The following ADAMTS12 variants were observed in gnomAD, a reference collection of about 807,000 sequenced individuals.
ADAMTS12 encodes the protein A disintegrin and metalloproteinase with thrombospondin motifs 12.
A neutral mutation model predicts 167.8 loss-of-function variants in ADAMTS12; 118 were observed. That is an observed-to-expected ratio of 0.70 (90% confidence interval 0.61 to 0.82). The LOEUF (loss-of-function observed/expected upper bound fraction) is 0.82. Ranked by LOEUF, ADAMTS12 falls within the 40% of genes least tolerant of loss-of-function variation. The probability of loss-of-function intolerance (pLI) is 0.00; values close to 1 mark genes in which losing one functional copy is unlikely to be tolerated. For missense variants in ADAMTS12, 1,916 were observed against 1,998.8 expected (o/e 0.96, Z 0.79); for synonymous variants, 704 against 716.9 (o/e 0.98, Z 0.29).
rs1483827958 is a variant in ADAMTS12 at position 33,524,021 on chromosome 5, T to A, written c.*3167A>T. ...GAAGATTTTAGTCAACTAAATGGGA[T>A]GTTATTATCTAAAACAATATAATCT... On this transcript the variant is annotated 3_prime_UTR_variant, in exon 24 of 24. Coordinates refer to ENST00000504830, the MANE Select transcript of ADAMTS12 (RefSeq NM_030955.4). 6.6e-6 allele frequency: 1 copy of A among 152,224 alleles called. No homozygotes were observed. The highest frequency in any genetic ancestry group is 1.9e-4 in the East Asian group (1 of 5,194). 9.4% of individuals were successfully genotyped at this position (152,224 alleles called of 1,614,324 possible).
chr5:33,643,269 T>C, intron 10 of ADAMTS12, 109 bp downstream of exon 10: 1 of 1,062,688 alleles, frequency 9.4e-7, no homozygotes, highest in Non-Finnish European at 1.4e-6. Flanking sequence ...TTGACCTCCA[T>C]CCACTGCTCT....
chr5:33,558,870 A>T (rs1745605551), intron 20 of ADAMTS12, among the ~76,000 whole-genome samples: 1 of 150,768 alleles, frequency 6.6e-6, no homozygotes, highest in Admixed American at 6.6e-5. Flanking sequence ...TGAGTTTGTT[A>T]TGAGTTGGAA....
rs1222029627 is a variant in ADAMTS12 at position 33,643,393 on chromosome 5, T to C, written c.1557A>G (p.Gln519=). Residue 519 remains glutamine (Q), a synonymous_variant, in exon 10 of 24, where the codon CAA becomes CAG. Transcript: ENST00000504830. ...GACGCATCACCTTCTTCTCACCACA[T>C]TGAGTTCCATCTGCAGCAGCGTCCA... is the stretch of plus-strand genomic sequence containing the variant. ...SKLDAAADGT[Q]CGEKKWCMAG... 10 of 1,614,102 alleles carry C rather than the reference T, an allele frequency of 6.2e-6. No individual in the cohort carries two copies. The highest frequency in any genetic ancestry group is 8.5e-6 in the Non-Finnish European group (10 of 1,179,968).
chr5:33,664,299 TGTGCTATAG>T (rs748375773), intron 5 of ADAMTS12, among the ~76,000 whole-genome samples: 3 of 151,866 alleles, frequency 2.0e-5, no homozygotes, highest in Non-Finnish European at 4.4e-5. Context: ...GTCAAGAGAG[TGTGCTATAG>T]GTGCAGGGAT....
At chr5:33,729,912 G>T (rs1420821076) in intron 3 of ADAMTS12, among the ~76,000 whole-genome samples, 1 of 152,216 alleles carries the variant, frequency 6.6e-6, no homozygotes, top group African/African-American at 2.4e-5. Flanking sequence ...ACAGCATGTG[G>T]CTTTCCAAAT....
At chr5:33,787,990 C>T (rs545880402) in intron 2 of ADAMTS12, among the ~76,000 whole-genome samples, 9 of 152,250 alleles carry the variant, frequency 5.9e-5, no homozygotes, top group East Asian at 1.9e-4. Flanking sequence ...CTCACTCAAA[C>T]GGGAGGGAAA....
At chr5:33,822,130 G>C (rs1747891642) in intron 2 of ADAMTS12, among the ~76,000 whole-genome samples, 1 of 152,074 alleles carries the variant, frequency 6.6e-6, no homozygotes. Flanking sequence ...TATCACCATG[G>C]AATATTCCAT....
chr5:33,732,709 G>C (rs1207885884), intron 3 of ADAMTS12, among the ~76,000 whole-genome samples: 3 of 152,066 alleles, frequency 2.0e-5, no homozygotes, highest in East Asian at 3.8e-4. Flanking sequence ...TTAGTGTTAC[G>C]TTTTGGAGGA....
At chr5:33,558,235 T>C (rs1488099455) in intron 20 of ADAMTS12, among the ~76,000 whole-genome samples, 2 of 152,074 alleles carry the variant, frequency 1.3e-5, no homozygotes, top group African/African-American at 4.8e-5. Flanking sequence ...TGCTGATGTA[T>C]GCAATACCCA....
chr5:33,842,157 C>T (rs1166143281), intron 2 of ADAMTS12, among the ~76,000 whole-genome samples: 1 of 152,156 alleles, frequency 6.6e-6, no homozygotes, highest in Non-Finnish European at 1.5e-5. Flanking sequence ...TTTGTTAAGA[C>T]ATCTAAGTAG....
chr5:33,567,873 T>G (rs1322619253), intron 19 of ADAMTS12, among the ~76,000 whole-genome samples: 1 of 152,148 alleles, frequency 6.6e-6, no homozygotes, highest in Non-Finnish European at 1.5e-5. Context: ...GATGGTAATA[T>G]TTTCTGACTT....
At chr5:33,590,145 T>G (rs1747560685) in intron 17 of ADAMTS12, among the ~76,000 whole-genome samples, 1 of 152,248 alleles carries the variant, frequency 6.6e-6, no homozygotes, top group Non-Finnish European at 1.5e-5. Flanking sequence ...AGGGAATATA[T>G]AAAATGCCAT....
At chr5:33,762,644 A>G (rs1320279648) in intron 2 of ADAMTS12, among the ~76,000 whole-genome samples, 1 of 152,180 alleles carries the variant, frequency 6.6e-6, no homozygotes, top group Non-Finnish European at 1.5e-5. Context: ...GGAGGGAGAT[A>G]CAGCAGCTGG....
At chr5:33,561,366 C>T (rs1028352789) in intron 19 of ADAMTS12, among the ~76,000 whole-genome samples, 187 bp from the exon 20 acceptor site, 24 of 152,196 alleles carry the variant, frequency 1.6e-4, no homozygotes, top group African/African-American at 4.3e-4. Context: ...GGGTAGGACC[C>T]GGGGATGCTC....
intron 13 of ADAMTS12, 146 bp from the exon 14 acceptor site, chr5:33,624,497 A>C (rs1383777826): frequency 8.5e-7 from 1 of 1,183,306 alleles, no homozygotes; most frequent in African/African-American, 1.5e-5. Context: ...TCCTGGTGGC[A>C]GCAAGAGGAA....
At chr5:33,676,683 T>TACAC (rs141431526) in intron 5 of ADAMTS12, among the ~76,000 whole-genome samples, 37,622 of 135,588 alleles carry the variant, frequency 0.28, 5,852 homozygotes, top group Non-Finnish European at 0.35. Flanking sequence ...CTGTCTATCT[T>TACAC]ACACACACAC....
intron 5 of ADAMTS12, among the ~76,000 whole-genome samples, chr5:33,678,832 C>G (rs933784447): frequency 1.3e-5 from 2 of 152,132 alleles, no homozygotes; most frequent in African/African-American, 4.8e-5. Flanking sequence ...GAAAAGAAAT[C>G]CAACTGGTTT....
chr5:33,541,535 G>T (rs1229025140), intron 22 of ADAMTS12, among the ~76,000 whole-genome samples: 4 of 152,194 alleles, frequency 2.6e-5, no homozygotes, highest in Admixed American at 2.6e-4. Flanking sequence ...ATAATTGTCA[G>T]ATTCACCAAG....
intron 19 of ADAMTS12, among the ~76,000 whole-genome samples, chr5:33,572,466 T>C (rs1328895788): frequency 2.6e-5 from 4 of 151,254 alleles, no homozygotes; most frequent in Non-Finnish European, 2.9e-5. Context: ...ATAAATGTAA[T>C]CCAGCATATA....
Sources: allele counts gnomAD v4.1 joint callset (sites outside exome capture counted in the v4.1 genomes callset), GRCh38; gene constraint gnomAD v4.1.1; transcripts MANE v1.5; gene names NCBI Gene and HGNC (gene_info 2026-07-23, HGNC 2026-07-21).